LARP1: variants seen among roughly 807,000 people sequenced by gnomAD.
LARP1 encodes La ribonucleoprotein 1, translational regulator.
In LARP1, 36 loss-of-function variants were observed where a neutral mutation model predicts 122.7. The observed-to-expected ratio is 0.29, with a 90% CI of 0.22 to 0.39. The LOEUF (loss-of-function observed/expected upper bound fraction) is 0.39, where lower values mean the gene tolerates loss of function less well. LARP1 is among the 10% of genes least tolerant of loss of function. The probability of loss-of-function intolerance (pLI) is 1.00; values close to 1 mark genes in which losing one functional copy is unlikely to be tolerated. For synonymous variants in LARP1, 539 were observed against 528.7 expected (o/e 1.02, Z -0.27); for missense variants, 1,040 against 1,403.6 (o/e 0.74, Z 4.14).
intron 1 of LARP1, among the ~76,000 whole-genome samples, chr5:154,758,773 A>C (rs570388716): frequency 3.3e-5 from 5 of 152,316 alleles, no homozygotes; most frequent in African/African-American, 9.6e-5. Flanking sequence ...CTTTTGGCTC[A>C]AATGTTGGTG....
chr5:154,811,365 C>G lies in LARP1; in HGVS notation c.2953+9C>G. 6.2e-7 allele frequency: 1 copy of G among 1,613,358 alleles called. No homozygotes were observed. The highest frequency in any genetic ancestry group is 8.5e-7 in the Non-Finnish European group (1 of 1,179,302). On this transcript the variant is annotated intron_variant, in intron 17 of 18. Transcript: ENST00000518297. The stretch of plus-strand genomic sequence containing the variant: ...GAAGGACTATGAAGCTGGTAAGAGC[C>G]AGAGTTGGATCTGAGTGAGGCCTGG...
chr5:154,742,738 A>AAAAAAAAG (rs1752969434), intron 1 of LARP1, among the ~76,000 whole-genome samples: 1 of 151,716 alleles, frequency 6.6e-6, no homozygotes, highest in African/African-American at 2.4e-5. Context: ...TCAAAAAAAA[A>AAAAAAAAG]AAAAAAGAAA....
At chr5:154,772,447 A>G (rs935800857) in intron 1 of LARP1, among the ~76,000 whole-genome samples, 1 of 152,204 alleles carries the variant, frequency 6.6e-6, no homozygotes, top group Non-Finnish European at 1.5e-5. Flanking sequence ...AAATGGGGTC[A>G]TAGTATAGTA....
At chr5:154,792,036 C>T (rs1235251532) in intron 3 of LARP1, 1 of 449,652 alleles carries the variant, frequency 2.2e-6, no homozygotes, top group East Asian at 7.0e-5. Flanking sequence ...ATTCCCCAGC[C>T]TGTGTTCTCC....
At position 154,795,323 on chromosome 5, in the gene LARP1, T is replaced by C. The variant is rs1757662841; in HGVS notation, c.1377+4T>C. 1 of 1,613,254 alleles carries C rather than the reference T, an allele frequency of 6.2e-7. No individual in the cohort carries two copies. Among genetic ancestry groups the C allele is most frequent in the African/African-American group, 1.3e-5 (1 of 74,874 alleles). On this transcript the variant is annotated splice_donor_region_variant and intron_variant, in intron 8 of 18. Transcript: ENST00000518297. The stretch of plus-strand genomic sequence containing the variant: ...TGACATTTCACTCATCTTTGCGGTA[T>C]GTCTTCCTCCCTGGAGCTGGGATGC...
intron 10 of LARP1, among the ~76,000 whole-genome samples, chr5:154,801,568 C>G (rs1758357288): frequency 6.6e-6 from 1 of 152,210 alleles, no homozygotes; most frequent in Non-Finnish European, 1.5e-5. Context: ...AGATCCCCGT[C>G]TAGGTACTGA....
At position 154,802,121 on chromosome 5, in the gene LARP1, G is replaced by A. The variant is rs1370626516; in HGVS notation, c.1831G>A (p.Glu611Lys). The A allele has an allele frequency of 9.9e-6, 16 of 1,614,078 alleles. No individual in the cohort carries two copies. The highest frequency in any genetic ancestry group is 8.9e-5 in the East Asian group (4 of 44,886). The stretch of plus-strand genomic sequence containing the variant: ...AGAGGAACTGGATTTTCTGTTTGAC[G>A]AGGAGATGGAGCAGATGGATGGGCG... ...EQEELDFLFD[E>K]EMEQMDGRKN... Residue 611 changes from glutamate (E) to lysine (K), a missense_variant, in exon 11 of 19, where the codon GAG becomes AAG. By Grantham distance (56) the Glu-to-Lys change is moderately conservative. Transcript: ENST00000518297. The surrounding 1 kb of genome is among the most constrained non-coding windows in gnomAD (Gnocchi z 5.1).
At chr5:154,690,821 C>G (rs1039779491) in intron 1 of LARP1, among the ~76,000 whole-genome samples, 24 of 152,356 alleles carry the variant, frequency 1.6e-4, no homozygotes, top group African/African-American at 5.8e-4. Context: ...CCCGTTTCCA[C>G]CGCCGCACAG....
upstream of LARP1, among the ~76,000 whole-genome samples, chr5:154,752,675 A>G (rs1489249524): frequency 6.6e-6 from 1 of 152,008 alleles, no homozygotes; most frequent in Non-Finnish European, 1.5e-5. Flanking sequence ...ATGGTGGCTA[A>G]CACTTGTAAT....
chr5:154,752,432 A>G (rs551004280), upstream of LARP1, among the ~76,000 whole-genome samples: 18 of 151,594 alleles, frequency 1.2e-4, no homozygotes, highest in East Asian at 3.4e-3. Flanking sequence ...TAGTACAGAC[A>G]GTGTTTCGCC....
chr5:154,801,121 T>G (rs909695297), intron 10 of LARP1, among the ~76,000 whole-genome samples: 2 of 152,240 alleles, frequency 1.3e-5, no homozygotes, highest in African/African-American at 4.8e-5. Flanking sequence ...GAATCTACTT[T>G]TGAATAAATA....
chr5:154,789,827 T>C (rs1207828514), intron 1 of LARP1, among the ~76,000 whole-genome samples: 1 of 152,174 alleles, frequency 6.6e-6, no homozygotes, highest in Non-Finnish European at 1.5e-5. Context: ...GGCCCTGGTG[T>C]GGTCCCTAGA....
intron 1 of LARP1, among the ~76,000 whole-genome samples, chr5:154,697,731 G>T (rs1754528781): frequency 6.6e-6 from 1 of 152,192 alleles, no homozygotes; most frequent in Non-Finnish European, 1.5e-5. Flanking sequence ...ACAGAAATTA[G>T]ATTCGTGTTT....
intron 1 of LARP1, among the ~76,000 whole-genome samples, chr5:154,716,264 C>T (rs1582190863): frequency 1.3e-5 from 2 of 152,070 alleles, no homozygotes; most frequent in Non-Finnish European, 2.9e-5. Flanking sequence ...GGATTACAGG[C>T]GCCCGCCACC....
intron 14 of LARP1, 66 bp downstream of exon 14, chr5:154,804,373 T>A: frequency 8.6e-7 from 1 of 1,159,116 alleles, no homozygotes; most frequent in Non-Finnish European, 1.3e-6. Flanking sequence ...GCCATGAAAT[T>A]GACTGGACCA....
At chr5:154,684,036 C>T (rs1463365299) in intron 1 of LARP1, among the ~76,000 whole-genome samples, 1 of 152,180 alleles carries the variant, frequency 6.6e-6, no homozygotes, top group Non-Finnish European at 1.5e-5. Flanking sequence ...TCATTGGAAA[C>T]CTGGCTTATG....
At chr5:154,684,582 C>T (rs7715957) in intron 1 of LARP1, among the ~76,000 whole-genome samples, 3,746 of 152,164 alleles carry the variant, frequency 0.025, 158 homozygotes, top group African/African-American at 0.085. Context: ...GGTGTGCACT[C>T]CTTGCGCTTC....
At chr5:154,724,151 A>G (rs1756056808) in intron 1 of LARP1, among the ~76,000 whole-genome samples, 1 of 152,252 alleles carries the variant, frequency 6.6e-6, no homozygotes, top group Non-Finnish European at 1.5e-5. Context: ...TGGTAGAAAG[A>G]AAGCTGGAAT....
chr5:154,740,812 CAGTT>C (rs960779933), intron 1 of LARP1, among the ~76,000 whole-genome samples: 4 of 152,214 alleles, frequency 2.6e-5, no homozygotes, highest in Non-Finnish European at 5.9e-5. Flanking sequence ...CTTTGGAAGA[CAGTT>C]AGGTTTAAGG....
Sources: gnomAD v4.1 joint callset for allele counts (sites outside exome capture counted in the v4.1 genomes callset) on GRCh38, gnomAD v4.1.1 for gene constraint, Gnocchi (gnomAD v3.1) non-coding constraint, MANE v1.5 for transcripts, NCBI Gene and HGNC (gene_info 2026-07-23, HGNC 2026-07-21) for gene names.